Variants in ANAPC5 observed in about 807,000 individuals in gnomAD.
ANAPC5 encodes the protein anaphase promoting complex subunit 5, also known as anaphase-promoting complex subunit 5.
ANAPC5 carries 60 observed loss-of-function variants against 91.3 expected under a neutral mutation model. The observed-to-expected ratio is 0.66, with a 90% CI of 0.53 to 0.81. The LOEUF (loss-of-function observed/expected upper bound fraction) is 0.81, where lower values mean the gene tolerates loss of function less well. ANAPC5 is among the 40% of genes least tolerant of loss of function. ANAPC5 has a pLI of 0.00. For synonymous variants in ANAPC5, 340 were observed against 364.1 expected (o/e 0.93, Z 0.75); for missense variants, 690 against 931.5 (o/e 0.74, Z 3.37).
chr12:121,331,108 A>T (rs146576669), intron 8 of ANAPC5: 5 of 455,246 alleles, frequency 1.1e-5, no homozygotes, highest in Non-Finnish European at 2.0e-5. Flanking sequence ...CTCTTCTTTC[A>T]TGGCAAGTTG....
At chr12:121,351,819 T>C (rs1016040800) in intron 1 of ANAPC5, among the ~76,000 whole-genome samples, 8 of 151,992 alleles carry the variant, frequency 5.3e-5, no homozygotes, top group African/African-American at 1.9e-4. Context: ...GTATGACTTA[T>C]CCCTGTGTCT....
intron 12 of ANAPC5, 39 bp from the exon 13 acceptor site, chr12:121,319,857 G>A (rs2942064): frequency 0.14 from 222,975 of 1,561,458 alleles, 29,112 homozygotes; most frequent in African/African-American, 0.67. Flanking sequence ...ACAAAATGGC[G>A]AATGTTCATC....
At chr12:121,351,092 C>T in intron 1 of ANAPC5, 1 of 449,726 alleles carries the variant, frequency 2.2e-6, no homozygotes, top group Non-Finnish European at 4.5e-6. Flanking sequence ...CACATGACGG[C>T]CGGGCGCAGT....
chr12:121,311,489 CA>C (rs113262962), intron 15 of ANAPC5, among the ~76,000 whole-genome samples: 34,183 of 151,630 alleles, frequency 0.23, 8,501 homozygotes, highest in African/African-American at 0.62. Context: ...AACAGTGTTC[CA>C]AAGCATATGA....
intron 7 of ANAPC5, chr12:121,334,902 GAA>G (rs1325768836): frequency 6.6e-6 from 1 of 152,134 alleles, no homozygotes; most frequent in Non-Finnish European, 1.5e-5. Flanking sequence ...TAGAAGTAAT[GAA>G]AGAGGCTAGG....
At chr12:121,346,397 C>T (rs1336317502) in intron 3 of ANAPC5, 1 of 191,980 alleles carries the variant, frequency 5.2e-6, no homozygotes, top group Non-Finnish European at 1.0e-5. Flanking sequence ...CGTCCAGAGC[C>T]TGGCACATAG....
chr12:121,316,702 C>A (rs542279223), intron 15 of ANAPC5, among the ~76,000 whole-genome samples: 137 of 130,130 alleles, frequency 1.1e-3, no homozygotes, highest in African/African-American at 4.1e-3. Context: ...CACTGCACTC[C>A]AGCCTGGGTG....
rs895197217 is a variant in ANAPC5 at position 121,308,670 on chromosome 12, T to G, written c.2078A>C (p.Asn693Thr). 1.9e-6 allele frequency: 3 copies of G among 1,614,112 alleles called. No homozygotes were observed. The highest frequency in any genetic ancestry group is 2.5e-6 in the Non-Finnish European group (3 of 1,179,964). The change falls in exon 17 of 17, where the codon AAC (asparagine) becomes ACC (threonine). Residue 693 changes from asparagine to threonine, a missense_variant. Physicochemically the swap from Asn to Thr is moderately conservative, Grantham distance 65. This residue lies in a region of ANAPC5 where 317 missense variants were observed against 438.7 expected (regional missense o/e 0.72). Transcript: ENST00000261819. ...AAAATAGTTCTTGGCTTCATTGAGG[T>G]TCTCGATGGCAGCCTCCAGAGCTGA... is the stretch of plus-strand genomic sequence containing the variant. ...KAEALEAAIE[N>T]LNEAKNYFAK...
chr12:121,329,617 CTT>C (rs201582258), intron 9 of ANAPC5, among the ~76,000 whole-genome samples: 28 of 137,994 alleles, frequency 2.0e-4, no homozygotes, highest in East Asian at 4.2e-4. Flanking sequence ...CTTGTGCTTC[CTT>C]TTTTTTTTTT....
chr12:121,331,454 C>A (rs78999191), intron 7 of ANAPC5, 26 bp from the exon 8 acceptor site: 13 of 1,569,048 alleles, frequency 8.3e-6, no homozygotes, highest in Non-Finnish European at 1.1e-5. Context: ...ACATTAATAT[C>A]CCATTAATAA....
At chr12:121,325,511 A>AT (rs140166955) in intron 11 of ANAPC5, among the ~76,000 whole-genome samples, 109,638 of 151,266 alleles carry the variant, frequency 0.72, 44,235 homozygotes, top group Non-Finnish European at 0.9. Context: ...AAAATTAAAA[A>AT]AAAAAAAGAA....
At chr12:121,346,223 T>C (rs1903663200) in intron 3 of ANAPC5, 192 bp from the exon 4 acceptor site, 1 of 522,028 alleles carries the variant, frequency 1.9e-6, no homozygotes, top group African/African-American at 1.9e-5. Flanking sequence ...TTTCTTCTTA[T>C]ACAGGGCACA....
chr12:121,318,426 T>C lies in ANAPC5; in HGVS notation c.1746-2A>G, dbSNP rs201349222. 16 of 1,610,702 alleles carry C rather than the reference T, an allele frequency of 9.9e-6. No individual in the cohort carries two copies. Among genetic ancestry groups the C allele is most frequent in the Non-Finnish European group, 8.5e-7 (1 of 1,177,814 alleles). On this transcript the variant is annotated splice_acceptor_variant, in intron 14 of 16. Coordinates refer to ENST00000261819, the MANE Select transcript of ANAPC5 (RefSeq NM_016237.5). LOFTEE classifies it high-confidence loss of function. ...AGCTCTGCCACGGACAGTAGGACACTGACCGTAAAGAGGAAAACACAGGAT... is the reference window on the plus strand; with the variant it reads ...AGCTCTGCCACGGACAGTAGGACACCGACCGTAAAGAGGAAAACACAGGAT...
At chr12:121,310,331 A>C (rs1902112157) in intron 15 of ANAPC5, 1 of 153,114 alleles carries the variant, frequency 6.5e-6, no homozygotes. Context: ...AGCATGAGGC[A>C]GGAAGATCAC....
upstream of ANAPC5, chr12:121,352,423 T>A: frequency 8.9e-7 from 1 of 1,120,464 alleles, no homozygotes; most frequent in Non-Finnish European, 1.3e-6. Context: ...GGTCTACATC[T>A]CCGCCCGCCC....
intron 15 of ANAPC5, among the ~76,000 whole-genome samples, chr12:121,312,260 G>A (rs1902190658): frequency 6.6e-6 from 1 of 152,106 alleles, no homozygotes; most frequent in South Asian, 2.1e-4. Flanking sequence ...GCAATGAGGT[G>A]TATAAAAATA....
intron 9 of ANAPC5, among the ~76,000 whole-genome samples, chr12:121,329,885 G>C (rs1217172333): frequency 6.6e-6 from 1 of 152,144 alleles, no homozygotes; most frequent in African/African-American, 2.4e-5. Context: ...AAAGTGCTGG[G>C]ATTACAGGTG....
chr12:121,339,926 G>A (rs1903382114), intron 5 of ANAPC5, among the ~76,000 whole-genome samples: 1 of 144,100 alleles, frequency 6.9e-6, no homozygotes, highest in African/African-American at 2.6e-5. Context: ...GCCCAGGCTG[G>A]AGTGCAGTGG....
chr12:121,330,960 A>C, intron 8 of ANAPC5: 2 of 418,782 alleles, frequency 4.8e-6, no homozygotes, highest in Non-Finnish European at 8.7e-6. Context: ...TTGAGAAATA[A>C]GATTCTCAGG....
Sources: allele counts gnomAD v4.1 joint callset (sites outside exome capture counted in the v4.1 genomes callset), GRCh38; gene constraint gnomAD v4.1.1; regional missense constraint gnomAD v4.1.1; transcripts MANE v1.5; gene names NCBI Gene and HGNC (gene_info 2026-07-23, HGNC 2026-07-21).